ZNF219: variants seen among roughly 807,000 people sequenced by gnomAD.
ZNF219 encodes the protein zinc finger protein 219.
A neutral mutation model predicts 54.4 loss-of-function variants in ZNF219; 17 were observed. The ratio of observed to expected loss-of-function variants is 0.31; its 90% CI spans 0.21 to 0.47. The LOEUF (loss-of-function observed/expected upper bound fraction) is 0.47. ZNF219 is among the 20% of genes least tolerant of loss of function. ZNF219 has a pLI of 1.00. For synonymous variants in ZNF219, 518 were observed against 476.4 expected (o/e 1.09, Z -1.14); for missense variants, 1,014 against 1,062.3 (o/e 0.95, Z 0.63).
chr14:21,096,283 A>G (rs1442568690), intron 1 of ZNF219, among the ~76,000 whole-genome samples: 1 of 152,222 alleles, frequency 6.6e-6, no homozygotes, highest in African/African-American at 2.4e-5. Context: ...AGTGATATAC[A>G]AGAAGGCCCA....
intron 1 of ZNF219, chr14:21,093,940 C>T (rs888596630): frequency 1.5e-5 from 6 of 413,764 alleles, no homozygotes; most frequent in African/African-American, 1.0e-4. Context: ...TACCACCCCA[C>T]CCCCTGGCGG....
At chr14:21,097,543 C>G (rs991407664) in intron 1 of ZNF219, 2 of 152,150 alleles carry the variant, frequency 1.3e-5, no homozygotes, top group Non-Finnish European at 2.9e-5. Flanking sequence ...ATCAAGGGAG[C>G]CTCTGGGAAA....
chr14:21,096,239 A>G (rs1310357405), intron 1 of ZNF219, among the ~76,000 whole-genome samples: 1 of 152,168 alleles, frequency 6.6e-6, no homozygotes, highest in East Asian at 1.9e-4. Context: ...ACAATAAACC[A>G]CTTTGCACAT....
rs747554144 is a variant in ZNF219, at chr14:21,092,515, G to C, written c.782C>G (p.Ala261Gly). Residue 261 changes from alanine (A) to glycine (G), a missense_variant, in exon 3 of 5, where the codon GCT (alanine) becomes GGT (glycine). Physicochemically the swap from Ala to Gly is moderately conservative, Grantham distance 60 (BLOSUM62 0). Coordinates refer to ENST00000360947, the MANE Select transcript of ZNF219 (RefSeq NM_016423.3). ...TGGGGGCTCCTCGGGAGCGGCAGGA[G>C]CTGGGGTCGGGGTTGCCTCACGTTC... is the stretch of plus-strand genomic sequence containing the variant. ...EPEREATPTP[A>G]PAAPEEPPAP... is the part of the protein sequence containing the mutation. The C allele has an allele frequency of 3.2e-6, 5 of 1,550,280 alleles. No individual in the cohort carries two copies. Among genetic ancestry groups the C allele is most frequent in the East Asian group, 2.4e-5 (1 of 40,946 alleles).
chr14:21,090,575 G>A lies in ZNF219; in HGVS notation c.2130C>T (p.Ser710=), dbSNP rs1285094564. 4 of 1,607,726 alleles carry A rather than the reference G, an allele frequency of 2.5e-6. No homozygotes were observed. The highest frequency in any genetic ancestry group is 3.4e-6 in the Non-Finnish European group (4 of 1,176,442). The change falls in exon 5 of 5, where the codon TCC becomes TCT. Residue 710 remains serine (S), a synonymous_variant. Coordinates refer to ENST00000360947, the MANE Select transcript of ZNF219 (RefSeq NM_016423.3). This position sits in a 1 kb window ranked among gnomAD's most constrained non-coding sequence, Gnocchi z 4.4. ...CCCCCAGCCCTGCCTCTCCGGGTCT[G>A]GACAGCCCGGAGCCCTCCTCCCCTT... ...SQEGEEGSGL[S]RPGEAGLGGQ...
upstream of ZNF219, chr14:21,101,170 G>A: frequency 1.8e-6 from 1 of 564,940 alleles, no homozygotes; most frequent in Non-Finnish European, 3.1e-6. Context: ...CTTTGGAGTA[G>A]CTGCTTCAGA....
intron 2 of ZNF219, 42 bp from the exon 3 acceptor site, chr14:21,093,332 GC>G (rs1354695527): frequency 6.5e-7 from 1 of 1,529,924 alleles, no homozygotes; most frequent in East Asian, 2.3e-5. Flanking sequence ...TGAAGGTAGA[GC>G]TGTAAAGGAA....
Position 21,090,958 on chromosome 14 carries a change from G to T in ZNF219, c.1747C>A (p.Gln583Lys). ...GCGCCCTCCACCCAGGTCGCAGGCTGCGGAGACGGCTTGGCTCCAGATTGC... is the reference window on the plus strand; with the variant it reads ...GCGCCCTCCACCCAGGTCGCAGGCTTCGGAGACGGCTTGGCTCCAGATTGC... ...APQSGAKPSP[Q>K]PATWVEGASS... The change falls in exon 5 of 5, where the codon CAG (glutamine) becomes AAG (lysine). Residue 583 changes from glutamine (Q) to lysine (K), a missense_variant. Physicochemically the swap from Gln to Lys is moderately conservative, Grantham distance 53. This residue lies in a region of ZNF219 where 281 missense variants were observed against 271.2 expected (regional missense o/e 1.04). Coordinates refer to ENST00000360947, the MANE Select transcript of ZNF219 (RefSeq NM_016423.3). The surrounding 1 kb of genome is among the most constrained non-coding windows in gnomAD (Gnocchi z 4.4). The T allele has an allele frequency of 6.4e-7, 1 of 1,551,066 alleles. No individual in the cohort carries two copies. Among genetic ancestry groups the T allele is most frequent in the Non-Finnish European group, 8.7e-7 (1 of 1,154,424 alleles).
intron 1 of ZNF219, among the ~76,000 whole-genome samples, 181 bp downstream of exon 1, chr14:21,098,130 CA>C (rs951807001): frequency 2.0e-5 from 3 of 150,102 alleles, no homozygotes; most frequent in Non-Finnish European, 3.0e-5. Context: ...CCCGCCCCCC[CA>C]GGAGCTCTGG....
chr14:21,103,094 C>T, upstream of ZNF219: 3 of 1,551,380 alleles, frequency 1.9e-6, no homozygotes, highest in African/African-American at 1.4e-5. Flanking sequence ...GGGGTTTCTC[C>T]TTTCTCACCT....
chr14:21,101,550 G>A (rs751385620), upstream of ZNF219: 79 of 1,161,558 alleles, frequency 6.8e-5, no homozygotes, highest in Non-Finnish European at 9.3e-5. Context: ...CACCTACCAT[G>A]TGCCAGAAAC....
intron 1 of ZNF219, among the ~76,000 whole-genome samples, chr14:21,094,957 A>G (rs1029531419): frequency 4.7e-5 from 7 of 148,780 alleles, no homozygotes; most frequent in Admixed American, 4.1e-4. Context: ...GATATAAAGA[A>G]CTTCCTTACA....
At chr14:21,102,392 G>C (rs1889696418), upstream of ZNF219, 1 of 1,551,490 alleles carries the variant, frequency 6.4e-7, no homozygotes, top group South Asian at 1.2e-5. Flanking sequence ...GGGCTGAGCT[G>C]GCTCACTGGC....
chr14:21,098,448 G>T lies in ZNF219; in HGVS notation c.-220C>A. 1 of 834,590 alleles carries T rather than the reference G, an allele frequency of 1.2e-6. No individual in the cohort carries two copies. Among genetic ancestry groups the T allele is most frequent in the Non-Finnish European group, 1.4e-6 (1 of 695,994 alleles). The allele number at this position is 834,590 out of a possible 1,614,324, so 51.7% of individuals were successfully genotyped here. On this transcript the variant is annotated 5_prime_UTR_variant, in exon 1 of 5. Transcript: ENST00000360947. Reference sequence around the variant, plus strand: ...CCCCGGCCCCCCCGCCCCCGGCCCGGCCCCCGCCCCCTCCCCGGTCCCCCG... The same window carrying T: ...CCCCGGCCCCCCCGCCCCCGGCCCGTCCCCCGCCCCCTCCCCGGTCCCCCG...
At chr14:21,101,232 C>A, upstream of ZNF219, 1 of 959,766 alleles carries the variant, frequency 1.0e-6, no homozygotes, top group Non-Finnish European at 1.6e-6. Flanking sequence ...TGGGAGTGGG[C>A]AGAGGTGTAG....
chr14:21,101,712 C>A, upstream of ZNF219: 1 of 683,082 alleles, frequency 1.5e-6, no homozygotes, highest in Non-Finnish European at 2.4e-6. Context: ...TTAAATGATA[C>A]TTAATTTTTA....
upstream of ZNF219, chr14:21,101,326 C>A (rs1889615812): frequency 6.4e-7 from 1 of 1,550,780 alleles, no homozygotes; most frequent in South Asian, 1.2e-5. Context: ...GCACCTAATT[C>A]TTGTGGGCAA....
rs975401113 is a variant in ZNF219 at position 21,092,527 on chromosome 14, G to A, written c.770C>T (p.Thr257Ile). The change falls in exon 3 of 5, where the codon ACC (threonine) becomes ATC (isoleucine). Residue 257 changes from threonine to isoleucine, a missense_variant. Thr to Ile is a moderately conservative substitution (Grantham distance 89). This residue lies in a region of ZNF219 where 395 missense variants were observed against 415.1 expected (regional missense o/e 0.95). Coordinates refer to ENST00000360947, the MANE Select transcript of ZNF219 (RefSeq NM_016423.3). ...GGGAGCGGCAGGAGCTGGGGTCGGG[G>A]TTGCCTCACGTTCGGGCTCCGGCTC... Reference protein sequence around the residue: ...EPEPEPEREATPTPAPAAPEE... With the variant: ...EPEPEPEREAIPTPAPAAPEE... 6.5e-7 allele frequency: 1 copy of A among 1,549,744 alleles called. No individual in the cohort carries two copies. Among genetic ancestry groups the A allele is most frequent in the Non-Finnish European group, 8.7e-7 (1 of 1,146,616 alleles).
chr14:21,101,953 T>C (rs754094609), upstream of ZNF219: 3 of 1,551,656 alleles, frequency 1.9e-6, no homozygotes, highest in South Asian at 2.4e-5. Flanking sequence ...GCCACAGCGC[T>C]GCCTCTTGGG....
Sources: allele counts gnomAD v4.1 joint callset (sites outside exome capture counted in the v4.1 genomes callset), GRCh38; gene constraint gnomAD v4.1.1; regional missense constraint gnomAD v4.1.1; non-coding constraint Gnocchi (gnomAD v3.1); transcripts MANE v1.5; gene names NCBI Gene and HGNC (gene_info 2026-07-23, HGNC 2026-07-21).